LEMD1: variants seen among roughly 807,000 people sequenced by gnomAD.
The protein encoded by LEMD1 is LEM domain-containing protein 1.
LEMD1 carries 18 observed loss-of-function variants against 17.4 expected under a neutral mutation model. The ratio of observed to expected loss-of-function variants is 1.04; its 90% CI spans 0.72 to 1.54. The LOEUF (loss-of-function observed/expected upper bound fraction) is 1.54. LEMD1 is among the 40% of genes most tolerant of loss of function. LEMD1 has a pLI of 0.00. For synonymous variants in LEMD1, 88 were observed against 77.8 expected (o/e 1.13, Z -0.69); for missense variants, 195 against 210.4 (o/e 0.93, Z 0.45).
rs1415153207 is a variant in LEMD1 at position 205,419,294 on chromosome 1, A to T, written c.141T>A (p.Cys47Ter). ...KLVQLLVSPPCAPPVMNGPRE... is the reference protein window; with the variant it reads ...KLVQLLVSPP The stretch of plus-strand genomic sequence containing the variant: ...TGGGTCCATTCATCACAGGTGGTGC[A>T]CAGGGAGGTGAGACCAACAACTGTA... The change falls in exon 3 of 6, where the codon TGT becomes TGA. Residue 47 changes from cysteine to a stop codon, truncating the protein, a stop_gained. Transcript: ENST00000367153. LOFTEE classifies it high-confidence loss of function. 6.2e-7 allele frequency: 1 copy of T among 1,614,110 alleles called. No homozygotes were observed. The highest frequency in any genetic ancestry group is 1.3e-5 in the African/African-American group (1 of 74,954).
chr1:205,399,107 C>T (rs900752351), intron 4 of LEMD1, among the ~76,000 whole-genome samples: 2 of 151,296 alleles, frequency 1.3e-5, no homozygotes, highest in African/African-American at 2.4e-5. Context: ...TCCAGCTACT[C>T]GGGAGGTTGA....
chr1:205,408,376 A>C (rs191767938), intron 4 of LEMD1, among the ~76,000 whole-genome samples: 4 of 152,282 alleles, frequency 2.6e-5, no homozygotes, highest in African/African-American at 9.6e-5. Flanking sequence ...CCAGGTACCA[A>C]CTGAGGAACT....
intron 1 of LEMD1, chr1:205,449,805 A>G (rs1666463793): frequency 6.6e-6 from 1 of 152,434 alleles, no homozygotes; most frequent in Admixed American, 6.5e-5. Flanking sequence ...TCTAGGCAGA[A>G]TGCCCTCAGC....
chr1:205,423,614 G>A (rs975805053), upstream of LEMD1, among the ~76,000 whole-genome samples: 1 of 152,150 alleles, frequency 6.6e-6, no homozygotes, highest in Non-Finnish European at 1.5e-5. Flanking sequence ...AAACTATTCT[G>A]CTTGAAATTA....
At chr1:205,405,943 T>A (rs1408050068) in intron 4 of LEMD1, among the ~76,000 whole-genome samples, 1 of 152,218 alleles carries the variant, frequency 6.6e-6, no homozygotes, top group Non-Finnish European at 1.5e-5. Flanking sequence ...CAGCTGCAGG[T>A]CTGTTGGAGT....
At chr1:205,388,674 TAGA>T in intron 4 of LEMD1, among the ~76,000 whole-genome samples, 1 of 152,356 alleles carries the variant, frequency 6.6e-6, no homozygotes, top group East Asian at 1.9e-4. Context: ...TCTATTATTA[TAGA>T]AGAACTCATC....
At chr1:205,449,906 G>A (rs1037418144) in exon 1 of LEMD1, 126 of 152,734 alleles carry the variant, frequency 8.2e-4, no homozygotes, top group Non-Finnish European at 1.1e-3. Flanking sequence ...CTCGCAGTCC[G>A]CCTCACAATT....
chr1:205,385,963 A>G (rs1663990954), intron 4 of LEMD1: 1 of 152,672 alleles, frequency 6.5e-6, no homozygotes, highest in Non-Finnish European at 1.5e-5. Flanking sequence ...AAGCACAAGG[A>G]AAGTCAAGAG....
chr1:205,422,632 CTTCTTG>C (rs1211040585), upstream of LEMD1, among the ~76,000 whole-genome samples: 1 of 95,090 alleles, frequency 1.1e-5, no homozygotes, highest in African/African-American at 2.6e-5. Flanking sequence ...CAAAAGCCTA[CTTCTTG>C]TTGTTGTCTT....
intron 1 of LEMD1, among the ~76,000 whole-genome samples, chr1:205,445,141 G>C (rs988614026): frequency 6.6e-6 from 1 of 152,082 alleles, no homozygotes; most frequent in African/African-American, 2.4e-5. Flanking sequence ...CCAGGAGAAA[G>C]AATTAAAAAC....
At chr1:205,398,119 T>C (rs766240244) in intron 4 of LEMD1, among the ~76,000 whole-genome samples, 1 of 152,238 alleles carries the variant, frequency 6.6e-6, no homozygotes, top group East Asian at 1.9e-4. Context: ...CTTGTAAAGA[T>C]GGCATTTAGC....
At chr1:205,405,986 T>C (rs1210716659) in intron 4 of LEMD1, among the ~76,000 whole-genome samples, 2 of 152,242 alleles carry the variant, frequency 1.3e-5, no homozygotes, top group Non-Finnish European at 2.9e-5. Flanking sequence ...CCCGTTTGCC[T>C]GGGTATCAGC....
intron 4 of LEMD1, 26 bp from the exon 5 acceptor site, chr1:205,384,390 G>C (rs1574935937): frequency 7.0e-7 from 1 of 1,425,318 alleles, no homozygotes; most frequent in East Asian, 2.7e-5. Flanking sequence ...AAAATGTCAA[G>C]AGGAATTTGT....
chr1:205,409,397 T>C (rs192260556), intron 4 of LEMD1, among the ~76,000 whole-genome samples: 2 of 152,336 alleles, frequency 1.3e-5, no homozygotes, highest in Admixed American at 6.5e-5. Context: ...ATGATAATAA[T>C]AGCTCTTATT....
chr1:205,422,926 G>T (rs907664205), upstream of LEMD1, among the ~76,000 whole-genome samples: 21 of 152,194 alleles, frequency 1.4e-4, no homozygotes, highest in African/African-American at 4.6e-4. Context: ...TCCATAATGG[G>T]GGATAATAAA....
At chr1:205,403,729 C>T (rs2102392235) in intron 4 of LEMD1, among the ~76,000 whole-genome samples, 1 of 152,072 alleles carries the variant, frequency 6.6e-6, no homozygotes, top group South Asian at 2.1e-4. Context: ...TTAGTTATTT[C>T]TTGCCTTCTG....
At chr1:205,390,128 G>GA (rs1664260940) in intron 4 of LEMD1, among the ~76,000 whole-genome samples, 1 of 152,156 alleles carries the variant, frequency 6.6e-6, no homozygotes, top group African/African-American at 2.4e-5. Context: ...GACGAGTCAG[G>GA]TGGATCACTT....
intron 5 of LEMD1, among the ~76,000 whole-genome samples, chr1:205,383,493 G>A (rs1354644238): frequency 1.3e-5 from 2 of 152,088 alleles, no homozygotes; most frequent in East Asian, 1.9e-4. Context: ...CTTTATGCTA[G>A]GAATGTTTAA....
rs138763199 is a variant in LEMD1 at position 205,388,201 on chromosome 1, T to C, written c.271-3837A>G. Reference sequence around the variant, plus strand: ...TACTTCAATTCACTTAATCTTTCTTTCTTTTTTTTTTTTTTGTGACAGAGT... The same window carrying C: ...TACTTCAATTCACTTAATCTTTCTTCCTTTTTTTTTTTTTTGTGACAGAGT... On this transcript the variant is annotated intron_variant, in intron 4 of 5. Transcript: ENST00000367153. Among the ~76,000 whole-genome samples the C allele has an allele frequency of 1.6e-3, 235 of 142,776 alleles. 1 individual carries two copies. Among genetic ancestry groups the C allele is most frequent in the African/African-American group, 5.6e-3 (225 of 39,842 alleles). 93.7% of individuals were successfully genotyped at this position (142,776 alleles called of 152,430 possible).
Sources: gnomAD v4.1 joint callset for allele counts (sites outside exome capture counted in the v4.1 genomes callset) on GRCh38, gnomAD v4.1.1 for gene constraint, MANE v1.5 for transcripts, NCBI Gene and HGNC (gene_info 2026-07-23, HGNC 2026-07-21) for gene names.